CALN1: variants seen among roughly 807,000 people sequenced by gnomAD.
CALN1 encodes the protein calneuron 1.
A neutral mutation model predicts 30.6 loss-of-function variants in CALN1; 17 were observed. That is an observed-to-expected ratio of 0.56 (90% CI 0.38 to 0.83). The LOEUF (loss-of-function observed/expected upper bound fraction) is 0.83, where lower values mean the gene tolerates loss of function less well. Ranked by LOEUF, CALN1 falls within the 40% of genes least tolerant of loss-of-function variation. CALN1 has a pLI of 0.00. For missense variants in CALN1, 291 were observed against 354.9 expected, an observed-to-expected ratio of 0.82 and a Z score of 1.45; for synonymous variants, 156 against 131.4, an observed-to-expected ratio of 1.19 and a Z score of -1.28.
At chr7:72,285,408 T>C (rs1798020755) in intron 2 of CALN1, among the ~76,000 whole-genome samples, 1 of 152,096 alleles carries the variant, frequency 6.6e-6, no homozygotes, top group African/African-American at 2.4e-5. Flanking sequence ...CACGTCTGCC[T>C]AATTTTTTGT....
chr7:71,995,825 G>A (rs1799223629), intron 5 of CALN1, among the ~76,000 whole-genome samples: 1 of 151,594 alleles, frequency 6.6e-6, no homozygotes, highest in Non-Finnish European at 1.5e-5. Flanking sequence ...CCCAGAGATT[G>A]GAGGCAACAG....
At chr7:72,038,165 G>A (rs927126076) in intron 4 of CALN1, among the ~76,000 whole-genome samples, 2 of 150,560 alleles carry the variant, frequency 1.3e-5, no homozygotes, top group Admixed American at 6.6e-5. Flanking sequence ...TTATTTAACC[G>A]AGTCTCGCAA....
At chr7:71,918,409 C>T (rs1794786496) in intron 5 of CALN1, among the ~76,000 whole-genome samples, 1 of 152,196 alleles carries the variant, frequency 6.6e-6, no homozygotes, top group Non-Finnish European at 1.5e-5. Flanking sequence ...GCTAACAGCT[C>T]TGGGCCTCAA....
chr7:72,255,164 C>A (rs1175296451), intron 3 of CALN1, among the ~76,000 whole-genome samples: 1 of 152,152 alleles, frequency 6.6e-6, no homozygotes, highest in Non-Finnish European at 1.5e-5. Flanking sequence ...CAGTTCACTG[C>A]AACCTCTGCC....
chr7:72,069,081 G>T (rs1420293780), intron 4 of CALN1, among the ~76,000 whole-genome samples: 1 of 152,150 alleles, frequency 6.6e-6, no homozygotes, highest in Non-Finnish European at 1.5e-5. Flanking sequence ...CAATTTGGAT[G>T]GCCATCCAGA....
chr7:71,874,526 CTT>C (rs1792131430), intron 5 of CALN1, among the ~76,000 whole-genome samples: 1 of 152,118 alleles, frequency 6.6e-6, no homozygotes, highest in Non-Finnish European at 1.5e-5. Flanking sequence ...CACGGAATGA[CTT>C]TGTGATTTAA....
chr7:72,282,006 T>C (rs750101802), intron 2 of CALN1, among the ~76,000 whole-genome samples: 1 of 152,078 alleles, frequency 6.6e-6, no homozygotes, highest in Non-Finnish European at 1.5e-5. Flanking sequence ...TTCAAAAAGC[T>C]CAAAGTCTAG....
Position 71,815,767 on chromosome 7 carries a change from C to CCT in CALN1, c.502-5277_502-5276dup, listed in dbSNP as rs369271396. Among the ~76,000 whole-genome samples, 409 of 143,876 alleles carry CCT rather than the reference C, an allele frequency of 2.8e-3. 3 individuals are homozygous for CCT. The highest frequency in any genetic ancestry group is 9.8e-3 in the African/African-American group (376 of 38,564). 94.4% of individuals were successfully genotyped at this position (143,876 alleles called of 152,430 possible). A position where few individuals can be genotyped will look rare whatever the true frequency, so the allele number is the denominator to read the frequency against. On this transcript the variant is annotated intron_variant, in intron 5 of 6. Coordinates refer to ENST00000395275, the MANE Select transcript of CALN1 (RefSeq NM_031468.4). Reference sequence around the variant, plus strand: ...CATTCCCTTCCTCCTTCTTTCCTTCCCTCTCCCCCTCCCCCTTTCCTCCCT... The same window carrying CCT: ...CATTCCCTTCCTCCTTCTTTCCTTCCCTCTCTCCCCCTCCCCCTTTCCTCCCT...
chr7:72,204,588 T>C (rs185802013), intron 3 of CALN1, among the ~76,000 whole-genome samples: 9 of 152,302 alleles, frequency 5.9e-5, no homozygotes, highest in Non-Finnish European at 1.3e-4. Context: ...ATCAAATCAC[T>C]TTTCCACCAT....
intron 5 of CALN1, among the ~76,000 whole-genome samples, chr7:71,862,487 C>T (rs543832356): frequency 4.6e-4 from 70 of 152,268 alleles, no homozygotes; most frequent in Middle Eastern, 3.4e-3. Context: ...CCATGTAAGA[C>T]GTGAATTTGC....
chr7:72,222,576 T>A (rs1793386670), intron 3 of CALN1, among the ~76,000 whole-genome samples: 1 of 152,140 alleles, frequency 6.6e-6, no homozygotes, highest in African/African-American at 2.4e-5. Context: ...CACTGGGGAT[T>A]ACAATTGAAC....
At chr7:72,487,372 TCCC>T in the CALN1 span, among the ~76,000 whole-genome samples, 1 of 151,666 alleles carries the variant, frequency 6.6e-6, no homozygotes, top group South Asian at 2.1e-4. Context: ...GAAATAAAAC[TCCC>T]CAGCTGGGGA....
chr7:72,302,308 T>A (rs1799324926), intron 2 of CALN1, among the ~76,000 whole-genome samples: 1 of 151,940 alleles, frequency 6.6e-6, no homozygotes, highest in Non-Finnish European at 1.5e-5. Context: ...ACATCAGAAT[T>A]AAAGAAAGCA....
chr7:72,140,285 AG>A (rs1809809754), intron 3 of CALN1, among the ~76,000 whole-genome samples: 1 of 137,650 alleles, frequency 7.3e-6, no homozygotes, highest in Non-Finnish European at 1.6e-5. Context: ...TAAGAGAGAG[AG>A]AGAGAGAGAG....
intron 2 of CALN1, among the ~76,000 whole-genome samples, chr7:72,374,917 G>A (rs1438674113): frequency 1.3e-5 from 2 of 152,008 alleles, no homozygotes; most frequent in Middle Eastern, 3.2e-3. Flanking sequence ...TAAACACTGT[G>A]ATTTTTATAC....
chr7:72,153,774 G>A (rs369698681), intron 3 of CALN1, among the ~76,000 whole-genome samples: 35 of 152,262 alleles, frequency 2.3e-4, no homozygotes, highest in Middle Eastern at 3.4e-3. Context: ...GCCTTTCATC[G>A]CAGGACATCC....
intron 5 of CALN1, among the ~76,000 whole-genome samples, chr7:71,959,856 G>A (rs1462819970): frequency 2.0e-5 from 3 of 151,874 alleles, no homozygotes; most frequent in Non-Finnish European, 4.4e-5. Flanking sequence ...TATTTAGGCC[G>A]GGCACAGTGG....
At chr7:72,051,912 T>C (rs1040885795) in intron 4 of CALN1, among the ~76,000 whole-genome samples, 3 of 152,254 alleles carry the variant, frequency 2.0e-5, no homozygotes, top group Non-Finnish European at 2.9e-5. Flanking sequence ...AAGAGTGATC[T>C]ATCTCAAGGC....
chr7:72,297,996 T>G (rs1397996786), intron 2 of CALN1, among the ~76,000 whole-genome samples: 1 of 152,234 alleles, frequency 6.6e-6, no homozygotes, highest in African/African-American at 2.4e-5. Flanking sequence ...AGTTTGTAGA[T>G]AGTGCACTCA....
Sources: gnomAD v4.1 joint callset for allele counts (sites outside exome capture counted in the v4.1 genomes callset) on GRCh38, gnomAD v4.1.1 for gene constraint, MANE v1.5 for transcripts, NCBI Gene and HGNC (gene_info 2026-07-23, HGNC 2026-07-21) for gene names.